SLC8A1: variants seen among roughly 807,000 people sequenced by gnomAD.
SLC8A1 encodes sodium/calcium exchanger 1.
SLC8A1 carries 18 observed loss-of-function variants against 68.3 expected under a neutral mutation model. The observed-to-expected ratio is 0.26, with a 90% CI of 0.18 to 0.39. SLC8A1 has a LOEUF of 0.39. Ranked by LOEUF, SLC8A1 falls within the 10% of genes least tolerant of loss-of-function variation. The probability of loss-of-function intolerance (pLI) is 1.00; values close to 1 mark genes in which losing one functional copy is unlikely to be tolerated. For missense variants in SLC8A1, 985 were observed against 1,156.7 expected, an observed-to-expected ratio of 0.85 and a Z score of 2.15; for synonymous variants, 475 against 415.5, an observed-to-expected ratio of 1.14 and a Z score of -1.74.
chr2:40,114,714 G>A (rs539418043), exon 8 of SLC8A1: 1 of 152,492 alleles, frequency 6.6e-6, no homozygotes, highest in African/African-American at 2.4e-5. Flanking sequence ...ATACGATGAA[G>A]ACATGCTTCT....
At chr2:40,373,678 T>C (rs1475136845) in intron 2 of SLC8A1, among the ~76,000 whole-genome samples, 1 of 152,078 alleles carries the variant, frequency 6.6e-6, no homozygotes, top group Non-Finnish European at 1.5e-5. Flanking sequence ...CTTAGCCAAA[T>C]AGTACAGTTG....
At chr2:40,223,239 C>A (rs1358275457) in intron 2 of SLC8A1, among the ~76,000 whole-genome samples, 1 of 152,132 alleles carries the variant, frequency 6.6e-6, no homozygotes, top group East Asian at 1.9e-4. Context: ...AGTTGGAAAC[C>A]ACCATTCTCA....
Position 40,178,380 on chromosome 2 carries a change from C to A in SLC8A1, c.1809-525G>T, listed in dbSNP as rs751014158. 6.2e-7 allele frequency: 1 copy of A among 1,611,456 alleles called. No individual in the cohort carries two copies. The highest frequency in any genetic ancestry group is 8.5e-7 in the Non-Finnish European group (1 of 1,177,964). The stretch of plus-strand genomic sequence containing the variant: ...TGTTGGGCTCAGCCCTGGAGCAGCT[C>A]CCCCACCTTTCTTCTCACTCATCTC... On this transcript the variant is annotated intron_variant, in intron 2 of 7. Transcript: ENST00000406785.
chr2:40,146,555 A>G (rs1456289548), intron 6 of SLC8A1, among the ~76,000 whole-genome samples: 1 of 151,942 alleles, frequency 6.6e-6, no homozygotes, highest in East Asian at 1.9e-4. Context: ...TATTATTGTT[A>G]TGTACTCACC....
At chr2:40,303,303 C>T (rs533726107) in intron 2 of SLC8A1, among the ~76,000 whole-genome samples, 10 of 152,268 alleles carry the variant, frequency 6.6e-5, no homozygotes, top group South Asian at 4.1e-4. Context: ...AGTTATTACC[C>T]GCTTAGTTGC....
intron 7 of SLC8A1, among the ~76,000 whole-genome samples, chr2:40,124,199 G>A (rs1410451723): frequency 6.6e-6 from 1 of 152,186 alleles, no homozygotes; most frequent in African/African-American, 2.4e-5. Flanking sequence ...TCACCTGCAG[G>A]TAGCCTTAAT....
intron 4 of SLC8A1, among the ~76,000 whole-genome samples, chr2:40,173,099 C>T (rs2047822316): frequency 6.6e-6 from 1 of 152,124 alleles, no homozygotes; most frequent in Admixed American, 6.5e-5. Flanking sequence ...TTGGATAGTA[C>T]ACTATTTCTA....
At chr2:40,504,507 C>G (rs756698613) in intron 1 of SLC8A1, among the ~76,000 whole-genome samples, 1 of 151,960 alleles carries the variant, frequency 6.6e-6, no homozygotes, top group South Asian at 2.1e-4. Context: ...ATACAATCAA[C>G]AAAGTGAAGA....
At chr2:40,461,732 A>C (rs555747318) in intron 1 of SLC8A1, among the ~76,000 whole-genome samples, 1 of 152,194 alleles carries the variant, frequency 6.6e-6, no homozygotes, top group African/African-American at 2.4e-5. Context: ...TTGATCATAT[A>C]TATTCAGAAG....
chr2:40,478,890 G>C (rs973320443), intron 1 of SLC8A1, among the ~76,000 whole-genome samples: 2 of 151,754 alleles, frequency 1.3e-5, no homozygotes, highest in East Asian at 1.9e-4. Context: ...TCATGCCTCA[G>C]CCTCCCAAGT....
chr2:40,119,587 C>A (rs1310676457), intron 7 of SLC8A1, among the ~76,000 whole-genome samples: 1 of 152,176 alleles, frequency 6.6e-6, no homozygotes, highest in African/African-American at 2.4e-5. Context: ...AAAATAAAAT[C>A]CAAGAAATAA....
chr2:40,283,927 T>G (rs2067878167), intron 2 of SLC8A1, among the ~76,000 whole-genome samples: 1 of 152,128 alleles, frequency 6.6e-6, no homozygotes, highest in Non-Finnish European at 1.5e-5. Flanking sequence ...CTTTTATTTT[T>G]CTGAAAAGCA....
At chr2:40,323,763 T>A (rs758667038) in intron 2 of SLC8A1, among the ~76,000 whole-genome samples, 4 of 152,080 alleles carry the variant, frequency 2.6e-5, no homozygotes, top group Non-Finnish European at 4.4e-5. Flanking sequence ...CCTAAATCCA[T>A]TGCTGAGATT....
intron 2 of SLC8A1, among the ~76,000 whole-genome samples, chr2:40,357,973 TA>T (rs34179269): frequency 6.9e-6 from 1 of 145,882 alleles, no homozygotes; most frequent in Non-Finnish European, 1.5e-5. Context: ...TGTGTTTGTA[TA>T]AAAAGGGATA....
chr2:40,258,857 A>C (rs2064302316), intron 2 of SLC8A1, among the ~76,000 whole-genome samples: 1 of 151,920 alleles, frequency 6.6e-6, no homozygotes, highest in East Asian at 1.9e-4. Flanking sequence ...AACAAAAAAC[A>C]AACAAAAAAC....
chr2:40,251,368 A>T (rs1161076653), intron 2 of SLC8A1: 1 of 152,178 alleles, frequency 6.6e-6, no homozygotes, highest in Non-Finnish European at 1.5e-5. Context: ...TAATGTGGAA[A>T]ATCTCTTCAT....
At chr2:40,321,653 G>A (rs569433265) in intron 2 of SLC8A1, among the ~76,000 whole-genome samples, 1 of 152,064 alleles carries the variant, frequency 6.6e-6, no homozygotes, top group African/African-American at 2.4e-5. Context: ...GAGAAGTGCC[G>A]AGTAAAAGCG....
At chr2:40,235,360 C>T (rs1209451615) in intron 2 of SLC8A1, among the ~76,000 whole-genome samples, 1 of 151,920 alleles carries the variant, frequency 6.6e-6, no homozygotes. Flanking sequence ...TTATCCATTT[C>T]TTCTAGATTT....
chr2:40,211,619 A>G (rs528263176), intron 2 of SLC8A1, among the ~76,000 whole-genome samples: 1 of 152,220 alleles, frequency 6.6e-6, no homozygotes, highest in Non-Finnish European at 1.5e-5. Flanking sequence ...GCAGAGCAGC[A>G]GACCCTGTGA....
Sources: allele counts gnomAD v4.1 joint callset (sites outside exome capture counted in the v4.1 genomes callset), GRCh38; gene constraint gnomAD v4.1.1; transcripts MANE v1.5; gene names NCBI Gene and HGNC (gene_info 2026-07-23, HGNC 2026-07-21).